POLR3A: variants seen among roughly 807,000 people sequenced by gnomAD.
POLR3A encodes DNA-directed RNA polymerase III subunit RPC1.
Under a neutral mutation model 152.8 loss-of-function variants are expected in POLR3A, and 112 were observed. The observed-to-expected ratio is 0.73, with a 90% CI of 0.63 to 0.86. The LOEUF (loss-of-function observed/expected upper bound fraction) is 0.86, where lower values mean the gene tolerates loss of function less well. POLR3A is among the 40% of genes least tolerant of loss of function. The pLI is 0.00. For synonymous variants in POLR3A, 615 were observed against 652.1 expected (o/e 0.94, Z 0.87); for missense variants, 1,385 against 1,743.1 (o/e 0.79, Z 3.66).
chr10:78,009,016 G>C (rs1847437533), intron 14 of POLR3A, among the ~76,000 whole-genome samples: 1 of 151,796 alleles, frequency 6.6e-6, no homozygotes, highest in African/African-American at 2.4e-5. Flanking sequence ...AGCCAGGCAT[G>C]GTGGTGGGCG....
rs1847078535 is a variant in POLR3A at position 77,975,488 on chromosome 10, T to C, written c.*1990A>G. The C allele has an allele frequency of 6.6e-6, 1 of 152,284 alleles. No individual in the cohort carries two copies. The highest frequency in any genetic ancestry group is 2.1e-4 in the South Asian group (1 of 4,832). 9.4% of individuals were successfully genotyped at this position (152,284 alleles called of 1,614,324 possible). A position where few individuals can be genotyped will look rare whatever the true frequency, so the allele number is the denominator to read the frequency against. On this transcript the variant is annotated 3_prime_UTR_variant, in exon 31 of 31. Coordinates refer to ENST00000372371, the MANE Select transcript of POLR3A (RefSeq NM_007055.4). ...GGTGATGTGATCCTTCACATAACCA[T>C]TCTGCTCCAAGGTCTGCCTTGTTCT... is the stretch of plus-strand genomic sequence containing the variant.
chr10:78,010,770 T>C (rs1044076022), intron 11 of POLR3A, among the ~76,000 whole-genome samples: 28 of 152,228 alleles, frequency 1.8e-4, no homozygotes, highest in African/African-American at 6.3e-4. Flanking sequence ...AGGAGGGTCC[T>C]ACCAACACCA....
intron 15 of POLR3A, 71 bp downstream of exon 15, chr10:78,007,631 C>T: frequency 4.4e-6 from 6 of 1,374,214 alleles, no homozygotes; most frequent in Non-Finnish European, 6.2e-6. Context: ...AGTAAAAGAA[C>T]AAAATAACGT....
intron 17 of POLR3A, 136 bp downstream of exon 17, chr10:78,002,061 A>C: frequency 1.6e-6 from 1 of 614,080 alleles, no homozygotes; most frequent in East Asian, 2.8e-5. Flanking sequence ...CAAATAATTA[A>C]GTCTCTCTCT....
intron 1 of POLR3A, 146 bp downstream of exon 1, chr10:78,029,218 T>C: frequency 1.2e-6 from 1 of 812,636 alleles, no homozygotes; most frequent in Non-Finnish European, 2.1e-6. Flanking sequence ...CCAACGCTGG[T>C]AGTTCTGGGC....
chr10:77,980,051 C>A, intron 30 of POLR3A, 90 bp downstream of exon 30: 1 of 1,178,844 alleles, frequency 8.5e-7, no homozygotes, highest in Non-Finnish European at 1.3e-6. Context: ...CTCTGCCACT[C>A]AGTTTTTTTC....
chr10:78,015,989 G>A (rs1367328355), intron 10 of POLR3A, among the ~76,000 whole-genome samples: 1 of 151,968 alleles, frequency 6.6e-6, no homozygotes, highest in Non-Finnish European at 1.5e-5. Context: ...GTGTTCAGAC[G>A]ACCCCAAAAT....
At chr10:77,979,963 C>A (rs1421147627) in intron 30 of POLR3A, among the ~76,000 whole-genome samples, 178 bp downstream of exon 30, 2 of 152,156 alleles carry the variant, frequency 1.3e-5, no homozygotes, top group Non-Finnish European at 2.9e-5. Flanking sequence ...ATGCAGGATG[C>A]TACAGTCAGG....
Position 78,004,871 on chromosome 10 carries a change from T to G in POLR3A, c.2092A>C (p.Ile698Leu). ...CCAGGTGTGACATCACCGATCCCAA[T>G]TGAGAAACCACGGTTAGCTGTTGAG... Reference protein sequence around the residue: ...PVYLSNRGFSIGIGDVTPGQG... With the variant: ...PVYLSNRGFSLGIGDVTPGQG... The change falls in exon 16 of 31, where the codon ATT (isoleucine) becomes CTT (leucine). Residue 698 changes from isoleucine (I) to leucine (L), a missense_variant. Ile to Leu is a conservative substitution (Grantham distance 5, BLOSUM62 2). This residue lies in a region of POLR3A where 170 missense variants were observed against 231.2 expected (regional missense o/e 0.74). Coordinates refer to ENST00000372371, the MANE Select transcript of POLR3A (RefSeq NM_007055.4). 1 of 1,614,076 alleles carries G rather than the reference T, an allele frequency of 6.2e-7. No individual in the cohort carries two copies. Among genetic ancestry groups the G allele is most frequent in the Non-Finnish European group, 8.5e-7 (1 of 1,179,990 alleles).
intron 28 of POLR3A, 87 bp downstream of exon 28, chr10:77,982,054 AAAAAAAAAAAAAG>A: frequency 2.8e-6 from 2 of 702,300 alleles, no homozygotes; most frequent in Non-Finnish European, 4.4e-6. Context: ...AAAAAAAAAA[AAAAAAAAAAAAAG>A]AAGTATACTG....
In POLR3A at chr10:78,021,930, C is replaced by T. The variant is rs747555357; in HGVS notation, c.978G>A (p.Ser326=). The stretch of plus-strand genomic sequence containing the variant: ...TGGGTGCCATGTTGAGGGGAATGCC[C>T]GAGAGCTCACTGTTAATGTAGAGGG... ...QCALYINSEL[S]GIPLNMAPKK... Residue 326 remains serine, a synonymous_variant, in exon 7 of 31, where the codon TCG becomes TCA. Transcript: ENST00000372371. 2.3e-5 allele frequency: 37 copies of T among 1,613,976 alleles called. No individual in the cohort carries two copies. The highest frequency in any genetic ancestry group is 4.5e-5 in the East Asian group (2 of 44,870).
At position 78,019,501 on chromosome 10, in the gene POLR3A, T is replaced by C. The variant is rs923478981; in HGVS notation, c.1186-236A>G. The C allele has an allele frequency of 5.3e-6, 3 of 563,682 alleles. No homozygotes were observed. In the African/African-American group the frequency reaches 5.6e-5, roughly 11 times the overall value. The allele number at this position is 563,682 out of a possible 1,614,324, so 34.9% of individuals were successfully genotyped here. ...CTCACTGAGTGACATGGCCAATTCC[T>C]TTCCTGGTGCTTGGTTTCCTCACTG... On this transcript the variant is annotated intron_variant, in intron 8 of 30. Transcript: ENST00000372371.
chr10:78,029,419 C>T lies in POLR3A; in HGVS notation c.-12G>A, dbSNP rs771041845. On this transcript the variant is annotated 5_prime_UTR_variant, in exon 1 of 31. Coordinates refer to ENST00000372371, the MANE Select transcript of POLR3A (RefSeq NM_007055.4). ...TGCTCCTTCACCATGATGACCGCTG[C>T]CGGGACGCCTCCTTGGCACTCGGGA... 5 of 1,614,028 alleles carry T rather than the reference C, an allele frequency of 3.1e-6. No homozygotes were observed. In the South Asian group the frequency reaches 3.3e-5, roughly 11 times the overall value.
intron 29 of POLR3A, among the ~76,000 whole-genome samples, chr10:77,980,857 C>T (rs1230587840): frequency 6.6e-6 from 1 of 152,134 alleles, no homozygotes; most frequent in East Asian, 1.9e-4. Context: ...TTTCCCTCAC[C>T]TGGTTTCTAA....
chr10:78,023,720 A>G (rs2131959901), intron 5 of POLR3A, among the ~76,000 whole-genome samples: 1 of 150,718 alleles, frequency 6.6e-6, no homozygotes, highest in East Asian at 2.0e-4. Context: ...CGGGGCTGCA[A>G]TGAGCCTCGA....
intron 1 of POLR3A, among the ~76,000 whole-genome samples, 196 bp downstream of exon 1, chr10:78,029,168 G>T (rs1847665949): frequency 6.6e-6 from 1 of 152,118 alleles, no homozygotes; most frequent in Non-Finnish European, 1.5e-5. Flanking sequence ...GGGACCTCTC[G>T]AGGTGCTGAA....
chr10:78,027,137 G>A (rs1034969961), intron 1 of POLR3A, among the ~76,000 whole-genome samples: 1 of 152,182 alleles, frequency 6.6e-6, no homozygotes, highest in Non-Finnish European at 1.5e-5. Flanking sequence ...ACGTTGCATG[G>A]TCAGAAAGCC....
intron 26 of POLR3A, 133 bp from the exon 27 acceptor site, chr10:77,982,950 C>A (rs372655418): frequency 1.5e-5 from 11 of 727,506 alleles, no homozygotes; most frequent in East Asian, 5.3e-5. Context: ...AAATTAATAC[C>A]ATAAATATGC....
chr10:77,998,744 G>A (rs1012229363), intron 19 of POLR3A, among the ~76,000 whole-genome samples: 5 of 152,166 alleles, frequency 3.3e-5, no homozygotes, highest in East Asian at 1.9e-4. Flanking sequence ...TCAGTGTGGC[G>A]ATTCCTCAGG....
Sources: allele counts gnomAD v4.1 joint callset (sites outside exome capture counted in the v4.1 genomes callset), GRCh38; gene constraint gnomAD v4.1.1; regional missense constraint gnomAD v4.1.1; transcripts MANE v1.5; gene names NCBI Gene and HGNC (gene_info 2026-07-23, HGNC 2026-07-21).